Variants in RGPD2 observed in about 807,000 individuals in gnomAD.
RGPD2 encodes the protein RANBP2-like and GRIP domain-containing protein 2.
In RGPD2, 2 loss-of-function variants were observed where a neutral mutation model predicts 36.0. The observed-to-expected ratio is 0.06, with a 90% CI of 0.02 to 0.17. RGPD2 has a LOEUF of 0.17. Ranked by LOEUF, RGPD2 falls within the 10% of genes least tolerant of loss-of-function variation. The pLI is 1.00. For missense variants in RGPD2, 40 were observed against 464.3 expected (o/e 0.09, Z 8.40); for synonymous variants, 19 against 163.8 (o/e 0.12, Z 6.75).
intron 22 of RGPD2, among the ~76,000 whole-genome samples, chr2:87,769,384 G>A (rs1234335211): frequency 6.6e-6 from 1 of 152,022 alleles, no homozygotes; most frequent in Non-Finnish European, 1.5e-5. Flanking sequence ...AGACAAGTAG[G>A]AAATAATCTT....
chr2:87,781,379 C>G (rs2104280676), intron 20 of RGPD2: 1 of 126,322 alleles, frequency 7.9e-6, no homozygotes, highest in South Asian at 2.2e-4. Context: ...TAGTTTCATT[C>G]TTTGCTCATT....
the RGPD2 span, among the ~76,000 whole-genome samples, chr2:87,967,332 C>T: frequency 4.7e-5 from 7 of 149,568 alleles, no homozygotes; most frequent in South Asian, 2.1e-4. Flanking sequence ...AGTGTGAACC[C>T]GGGAGGTGGA....
chr2:87,966,294 G>C, the RGPD2 span, among the ~76,000 whole-genome samples: 1 of 150,138 alleles, frequency 6.7e-6, no homozygotes, highest in African/African-American at 2.4e-5. Context: ...AAAATAAAGG[G>C]ATTCTGATAT....
At chr2:87,915,569 CAT>C in the RGPD2 span, among the ~76,000 whole-genome samples, 4 of 140,970 alleles carry the variant, frequency 2.8e-5, no homozygotes, top group East Asian at 4.1e-4. Context: ...TATATATACA[CAT>C]ATATGTGTGT....
At chr2:87,772,874 T>C (rs1038402795) in intron 21 of RGPD2, among the ~76,000 whole-genome samples, 3 of 149,996 alleles carry the variant, frequency 2.0e-5, no homozygotes, top group Non-Finnish European at 3.0e-5. Flanking sequence ...GGAGTTCTTG[T>C]CTCAGAAGCA....
the RGPD2 span, among the ~76,000 whole-genome samples, chr2:87,885,136 A>G: frequency 6.6e-6 from 1 of 151,974 alleles, no homozygotes. Flanking sequence ...CAATACATTA[A>G]AAGTGTCATC....
chr2:87,861,464 A>T, the RGPD2 span, among the ~76,000 whole-genome samples: 1 of 151,986 alleles, frequency 6.6e-6, no homozygotes, highest in Non-Finnish European at 1.5e-5. Context: ...CCAATTTTGT[A>T]TTTTACATTT....
At chr2:87,861,508 C>A in the RGPD2 span, among the ~76,000 whole-genome samples, 1 of 152,088 alleles carries the variant, frequency 6.6e-6, no homozygotes, top group Non-Finnish European at 1.5e-5. Flanking sequence ...AGGTTGTCTG[C>A]AAATGGAATT....
chr2:87,857,774 T>TAAAAA, the RGPD2 span, among the ~76,000 whole-genome samples: 4 of 123,478 alleles, frequency 3.2e-5, no homozygotes, highest in Admixed American at 7.8e-5. Context: ...CCATCTCTAC[T>TAAAAA]AAAAAAAAAA....
At chr2:87,884,290 G>A in the RGPD2 span, among the ~76,000 whole-genome samples, 2 of 151,896 alleles carry the variant, frequency 1.3e-5, no homozygotes, top group South Asian at 4.1e-4. Context: ...ATGGGATGCA[G>A]CAAAAGTAGT....
chr2:87,986,135 G>GTT, the RGPD2 span, among the ~76,000 whole-genome samples: 2 of 35,138 alleles, frequency 5.7e-5, no homozygotes, highest in South Asian at 2.0e-3. Context: ...TCTGAAGACA[G>GTT]CTTTTTTTTT....
chr2:87,941,122 G>A, the RGPD2 span, among the ~76,000 whole-genome samples: 16 of 151,618 alleles, frequency 1.1e-4, no homozygotes, highest in East Asian at 2.3e-3. Context: ...ATATGAGGGG[G>A]AAAGTATAAA....
chr2:87,830,507 G>T (rs1375413587), upstream of RGPD2, among the ~76,000 whole-genome samples: 1 of 151,948 alleles, frequency 6.6e-6, no homozygotes, highest in Non-Finnish European at 1.5e-5. Flanking sequence ...TTCAACCTCT[G>T]CCTGTTACCC....
intron 7 of RGPD2, among the ~76,000 whole-genome samples, chr2:87,802,252 ATTAC>A (rs1313528995): frequency 6.9e-5 from 5 of 72,294 alleles, no homozygotes; most frequent in Non-Finnish European, 1.3e-4. Flanking sequence ...TCATTGCTAA[ATTAC>A]TTGAAGTAGC....
At chr2:87,986,752 C>A in the RGPD2 span, among the ~76,000 whole-genome samples, 20 of 151,198 alleles carry the variant, frequency 1.3e-4, no homozygotes, top group Admixed American at 1.3e-3. Context: ...TTGTGGCAGG[C>A]ACCTGTAATC....
the RGPD2 span, among the ~76,000 whole-genome samples, chr2:87,854,743 G>A: frequency 3.9e-5 from 6 of 151,956 alleles, no homozygotes; most frequent in Admixed American, 6.6e-5. Flanking sequence ...GTATTCTACC[G>A]TATGAATGCA....
chr2:87,853,473 CT>C, the RGPD2 span, among the ~76,000 whole-genome samples: 4 of 151,736 alleles, frequency 2.6e-5, no homozygotes, highest in East Asian at 7.8e-4. Flanking sequence ...GTCCTCTCAC[CT>C]TGGCCTCCCA....
the RGPD2 span, among the ~76,000 whole-genome samples, chr2:87,881,082 C>A: frequency 1.4e-5 from 2 of 141,622 alleles, no homozygotes; most frequent in African/African-American, 5.1e-5. Flanking sequence ...CACACTAGTG[C>A]AAGGGGTGGG....
chr2:87,929,487 A>ATGTGTGTGTG, the RGPD2 span, among the ~76,000 whole-genome samples: 822 of 136,950 alleles, frequency 6.0e-3, no homozygotes, highest in Non-Finnish European at 7.1e-3. Context: ...GTGTGTGTGT[A>ATGTGTGTGTG]TGTGTGTGTG....
Sources: gnomAD v4.1 joint callset for allele counts (sites outside exome capture counted in the v4.1 genomes callset) on GRCh38, gnomAD v4.1.1 for gene constraint, MANE v1.5 for transcripts, NCBI Gene and HGNC (gene_info 2026-07-23, HGNC 2026-07-21) for gene names.